CDK18: variants seen among roughly 807,000 people sequenced by gnomAD.
CDK18 encodes cyclin-dependent kinase 18.
Under a neutral mutation model 62.0 loss-of-function variants are expected in CDK18, and 52 were observed. The observed-to-expected ratio is 0.84, with a 90% CI of 0.67 to 1.06. CDK18 has a LOEUF of 1.06. CDK18 is among the 50% of genes least tolerant of loss of function. The probability of loss-of-function intolerance (pLI) is 0.00; values close to 1 mark genes in which losing one functional copy is unlikely to be tolerated. For missense variants in CDK18, 604 were observed against 619.9 expected (o/e 0.97, Z 0.27); for synonymous variants, 237 against 247.0 (o/e 0.96, Z 0.38).
chr1:205,518,232 A>G (rs1292020701), intron 1 of CDK18, among the ~76,000 whole-genome samples: 2 of 152,016 alleles, frequency 1.3e-5, no homozygotes, highest in African/African-American at 4.8e-5. Flanking sequence ...ACCATCCATC[A>G]TACTGTGTAT....
intron 1 of CDK18, among the ~76,000 whole-genome samples, chr1:205,519,078 C>T (rs898436401): frequency 6.6e-6 from 1 of 152,206 alleles, no homozygotes; most frequent in Admixed American, 6.5e-5. Context: ...CAGATGGCTC[C>T]TTGGTCTGGG....
chr1:205,523,423 T>C (rs1225284741), intron 2 of CDK18, 60 bp from the exon 3 acceptor site: 3 of 1,593,842 alleles, frequency 1.9e-6, no homozygotes, highest in African/African-American at 2.7e-5. Flanking sequence ...GGAGGGGGGC[T>C]ACCCTTCTCT....
chr1:205,526,981 A>G (rs1255448502), intron 8 of CDK18, 144 bp downstream of exon 8: 5 of 672,332 alleles, frequency 7.4e-6, no homozygotes, highest in Admixed American at 2.4e-5. Context: ...GGGCAATGCC[A>G]TCAACGAGTC....
At position 205,527,984 on chromosome 1, in the gene CDK18, G is replaced by A; in HGVS notation, c.854-64G>A. On this transcript the variant is annotated intron_variant, in intron 9 of 15. Transcript: ENST00000429964. The surrounding 1 kb of genome is among the most constrained non-coding windows in gnomAD (Gnocchi z 4.1). ...GCCTCAGGGTGTGGGTGCAGTGGGG[G>A]AGGGCATAGCAGTCAACCCCACAGC... 2 of 1,613,072 alleles carry A rather than the reference G, an allele frequency of 1.2e-6. No individual in the cohort carries two copies. Among genetic ancestry groups the A allele is most frequent in the Non-Finnish European group, 8.5e-7 (1 of 1,179,230 alleles).
chr1:205,529,388 C>A lies in CDK18; in HGVS notation c.1137C>A (p.Phe379Leu). 1 of 1,614,074 alleles carries A rather than the reference C, an allele frequency of 6.2e-7. No individual in the cohort carries two copies. Residue 379 changes from phenylalanine (F) to leucine (L), a missense_variant, in exon 12 of 16, where the codon TTC (phenylalanine) becomes TTA (leucine). Physicochemically the swap from Phe to Leu is conservative, Grantham distance 22 (BLOSUM62 0). Coordinates refer to ENST00000429964, the MANE Select transcript of CDK18 (RefSeq NM_212502.3). ...TAFSEFRTYS[F>L]PCYLPQPLIN... ...TCTCTGAGTTCCGCACCTACAGCTT[C>A]CCCTGCTACCTCCCGCAGCCGCTCA... is the stretch of plus-strand genomic sequence containing the variant.
At position 205,529,416 on chromosome 1, in the gene CDK18, A is replaced by G. The variant is rs1668621672; in HGVS notation, c.1165A>G (p.Asn389Asp). 3 of 1,613,742 alleles carry G rather than the reference A, an allele frequency of 1.9e-6. No individual in the cohort carries two copies. Among genetic ancestry groups the G allele is most frequent in the Non-Finnish European group, 2.5e-6 (3 of 1,179,908 alleles). ...CTGCTACCTCCCGCAGCCGCTCATC[A>G]ACCACGCGCCCAGGTAGCCCCTGCG... is the stretch of plus-strand genomic sequence containing the variant. ...FPCYLPQPLI[N>D]HAPRLDTDGI... The change falls in exon 12 of 16, where the codon AAC becomes GAC. Residue 389 changes from asparagine to aspartate, a missense_variant. Asn to Asp is a conservative substitution (Grantham distance 23). Coordinates refer to ENST00000429964, the MANE Select transcript of CDK18 (RefSeq NM_212502.3).
intron 1 of CDK18, among the ~76,000 whole-genome samples, chr1:205,515,959 T>C (rs1667797870): frequency 6.6e-6 from 1 of 152,206 alleles, no homozygotes; most frequent in Admixed American, 6.5e-5. Context: ...TATCCTCATT[T>C]CTGGCCACTC....
At position 205,527,558 on chromosome 1, in the gene CDK18, T is replaced by G; in HGVS notation, c.730-236T>G. ...GCATCCTGACCCCCGTGCTCCTGAC[T>G]GAGACTTCGCTGGCCTCCCCCACAC... is the stretch of plus-strand genomic sequence containing the variant. On this transcript the variant is annotated intron_variant, in intron 8 of 15. Transcript: ENST00000429964. This position sits in a 1 kb window ranked among gnomAD's most constrained non-coding sequence, Gnocchi z 4.1. 1 of 504,698 alleles carries G rather than the reference T, an allele frequency of 2.0e-6. No homozygotes were observed. The highest frequency in any genetic ancestry group is 3.6e-6 in the Non-Finnish European group (1 of 281,246). 31.3% of individuals were successfully genotyped at this position (504,698 alleles called of 1,614,324 possible). A position where few individuals can be genotyped will look rare whatever the true frequency, so the allele number is the denominator to read the frequency against.
At chr1:205,509,558 G>T (rs1667469342) in intron 1 of CDK18, among the ~76,000 whole-genome samples, 1 of 152,146 alleles carries the variant, frequency 6.6e-6, no homozygotes, top group Admixed American at 6.5e-5. Flanking sequence ...TTATAAAATA[G>T]GAGGATAATA....
chr1:205,511,671 TG>T (rs1667570742), intron 1 of CDK18, among the ~76,000 whole-genome samples: 1 of 152,254 alleles, frequency 6.6e-6, no homozygotes, highest in African/African-American at 2.4e-5. Flanking sequence ...AACAGTGTGC[TG>T]TGTTTATATG....
chr1:205,513,199 C>T (rs1172916236), intron 1 of CDK18, among the ~76,000 whole-genome samples: 1 of 152,210 alleles, frequency 6.6e-6, no homozygotes, highest in African/African-American at 2.4e-5. Context: ...GGGGAAGGAC[C>T]TTCCTTGAGT....
At chr1:205,514,831 G>C (rs1667738872) in intron 1 of CDK18, among the ~76,000 whole-genome samples, 1 of 152,194 alleles carries the variant, frequency 6.6e-6, no homozygotes, top group South Asian at 2.1e-4. Context: ...CTAGTTATGA[G>C]TGTGTGCTGG....
At chr1:205,522,036 G>A (rs1323219565) in intron 1 of CDK18, among the ~76,000 whole-genome samples, 1 of 152,194 alleles carries the variant, frequency 6.6e-6, no homozygotes, top group Non-Finnish European at 1.5e-5. Flanking sequence ...GTGCAGAGCA[G>A]GATGAGAGGG....
At chr1:205,529,788 GC>G in intron 13 of CDK18, 1 of 1,467,052 alleles carries the variant, frequency 6.8e-7, no homozygotes, top group Non-Finnish European at 9.2e-7. Context: ...GTAGCTCTGG[GC>G]AAGTTACAGA....
intron 1 of CDK18, among the ~76,000 whole-genome samples, chr1:205,521,579 C>T (rs1342913031): frequency 6.6e-6 from 1 of 152,188 alleles, no homozygotes; most frequent in Non-Finnish European, 1.5e-5. Context: ...GCCTGCCTAG[C>T]ACTGCAGACC....
At chr1:205,520,189 G>C (rs1668047870) in intron 1 of CDK18, among the ~76,000 whole-genome samples, 1 of 152,232 alleles carries the variant, frequency 6.6e-6, no homozygotes, top group Non-Finnish European at 1.5e-5. Context: ...CTCAGCACAG[G>C]AGGGTGGCCT....
intron 1 of CDK18, among the ~76,000 whole-genome samples, chr1:205,505,533 C>T (rs1667265695): frequency 6.6e-6 from 1 of 151,996 alleles, no homozygotes; most frequent in Non-Finnish European, 1.5e-5. Flanking sequence ...TGGGTGGGGC[C>T]GGGGGGAGTG....
At chr1:205,523,357 TCCCCTCCCCGCCCACCCC>T (rs1558777965) in intron 2 of CDK18, 60 bp downstream of exon 2, 5 of 1,609,554 alleles carry the variant, frequency 3.1e-6, no homozygotes, top group Non-Finnish European at 4.2e-6. Flanking sequence ...CCAGTCACCT[TCCCCTCCCCGCCCACCCC>T]CTCCCCACTG....
In CDK18 at chr1:205,523,062, TGA is replaced by T. The variant is rs1042803230; in HGVS notation, c.-21-79_-21-78del. ...TGGCATACAGGGCGACAGAGCTTGA[TGA>T]GAGAGCTGAATTCCCAGTGGGTGGA... is the stretch of plus-strand genomic sequence containing the variant. On this transcript the variant is annotated intron_variant, in intron 1 of 15. Coordinates refer to ENST00000429964, the MANE Select transcript of CDK18 (RefSeq NM_212502.3). 7 of 1,424,160 alleles carry T rather than the reference TGA, an allele frequency of 4.9e-6. No homozygotes were observed. The African/African-American group carries it at 8.6e-5, about 17-fold the overall frequency. 88.2% of individuals were successfully genotyped at this position (1,424,160 alleles called of 1,614,324 possible). A position where few individuals can be genotyped will look rare whatever the true frequency, so the allele number is the denominator to read the frequency against.
Sources: allele counts gnomAD v4.1 joint callset (sites outside exome capture counted in the v4.1 genomes callset), GRCh38; gene constraint gnomAD v4.1.1; non-coding constraint Gnocchi (gnomAD v3.1); transcripts MANE v1.5; gene names NCBI Gene and HGNC (gene_info 2026-07-23, HGNC 2026-07-21).